Variants in SERINC5 observed in about 807,000 individuals in gnomAD.
SERINC5 encodes chromosome 5 open reading frame 12.
A neutral mutation model predicts 63.1 loss-of-function variants in SERINC5; 41 were observed. The ratio of observed to expected loss-of-function variants is 0.65; its 90% CI spans 0.51 to 0.84. SERINC5 has a LOEUF of 0.84. Ranked by LOEUF, SERINC5 falls within the 40% of genes least tolerant of loss-of-function variation. The pLI, the probability that SERINC5 is intolerant of heterozygous loss-of-function variation, is 0.00. For synonymous variants in SERINC5, 222 were observed against 215.2 expected, an observed-to-expected ratio of 1.03 and a Z score of -0.28; for missense variants, 523 against 573.0, an observed-to-expected ratio of 0.91 and a Z score of 0.89.
At chr5:80,221,167 G>A (rs977909939) in intron 1 of SERINC5, among the ~76,000 whole-genome samples, 1 of 152,174 alleles carries the variant, frequency 6.6e-6, no homozygotes, top group Non-Finnish European at 1.5e-5. Context: ...CAGATCTGCT[G>A]AAGCAGAACT....
At chr5:80,122,729 G>C (rs1744596795) in intron 11 of SERINC5, among the ~76,000 whole-genome samples, 1 of 152,214 alleles carries the variant, frequency 6.6e-6, no homozygotes. Flanking sequence ...GTATGAGGAA[G>C]ACTCAAGTGC....
intron 8 of SERINC5, among the ~76,000 whole-genome samples, chr5:80,156,645 T>C (rs6898006): frequency 0.074 from 11,260 of 152,216 alleles, 1,436 homozygotes; most frequent in African/African-American, 0.26. Context: ...TCAATAACAA[T>C]GTTTGTTGCT....
At chr5:80,118,574 G>T (rs1024236462) in intron 11 of SERINC5, among the ~76,000 whole-genome samples, 1 of 151,946 alleles carries the variant, frequency 6.6e-6, no homozygotes, top group African/African-American at 2.4e-5. Context: ...TTGAGACAGG[G>T]TCTCACTCTG....
At chr5:80,158,990 A>C (rs1214603225) in intron 7 of SERINC5, 28 bp from the exon 8 acceptor site, 1 of 1,612,098 alleles carries the variant, frequency 6.2e-7, no homozygotes, top group Admixed American at 1.7e-5. Flanking sequence ...AAGTCATCAC[A>C]GTCAAGTACA....
intron 4 of SERINC5, among the ~76,000 whole-genome samples, chr5:80,176,800 C>A (rs571368292): frequency 2.2e-3 from 340 of 152,222 alleles, no homozygotes; most frequent in African/African-American, 7.8e-3. Context: ...ATGCTCTGAA[C>A]CACTGAAATT....
At chr5:80,169,669 T>C in intron 5 of SERINC5, 123 bp from the exon 6 acceptor site, 1 of 685,754 alleles carries the variant, frequency 1.5e-6, no homozygotes, top group Admixed American at 2.5e-5. Context: ...CAGGCACTGG[T>C]ACCCAGCTGC....
rs141636191 is a variant in SERINC5, at chr5:80,202,067, G to T, written c.195+819C>A. 8.2e-3 allele frequency among the ~76,000 whole-genome samples: 1,252 copies of T among 152,140 alleles called. 9 individuals are homozygous for T. Among genetic ancestry groups the T allele is most frequent in the South Asian group, 0.014 (69 of 4,816 alleles). On this transcript the variant is annotated intron_variant, in intron 2 of 11. Transcript: ENST00000507668. ...AGCCTGGCCAACATGGTGAAACCCTGCCTCTACTAAAAATACAAAAATTAG... is the reference window on the plus strand; with the variant it reads ...AGCCTGGCCAACATGGTGAAACCCTTCCTCTACTAAAAATACAAAAATTAG...
intron 1 of SERINC5, among the ~76,000 whole-genome samples, chr5:80,244,990 C>T (rs190640163): frequency 1.3e-3 from 205 of 152,276 alleles, no homozygotes; most frequent in African/African-American, 4.8e-3. Context: ...CACTGATCTT[C>T]GATCTTCCTC....
chr5:80,198,085 G>A (rs1044407114), intron 2 of SERINC5, among the ~76,000 whole-genome samples: 5 of 151,994 alleles, frequency 3.3e-5, no homozygotes, highest in Admixed American at 6.6e-5. Flanking sequence ...TGATCCGCCC[G>A]CCTCAGCCTC....
chr5:80,204,730 A>G (rs750933937), intron 1 of SERINC5, among the ~76,000 whole-genome samples: 51 of 152,228 alleles, frequency 3.4e-4, no homozygotes, highest in Non-Finnish European at 3.4e-4. Context: ...TGGGAAGAAC[A>G]TGAAAAACAA....
chr5:80,232,052 C>T lies in SERINC5; in HGVS notation c.27+23844G>A, dbSNP rs533919611. On this transcript the variant is annotated intron_variant, in intron 1 of 11. Coordinates refer to ENST00000507668, the MANE Select transcript of SERINC5 (RefSeq NM_001174072.3). ...GAGGGTTCAGGGCTGTAGTGAGCCACGACTGTGCCACCACACTCCACCCTG... is the reference window on the plus strand; with the variant it reads ...GAGGGTTCAGGGCTGTAGTGAGCCATGACTGTGCCACCACACTCCACCCTG... Among the ~76,000 whole-genome samples the T allele has an allele frequency of 7.7e-5, 11 of 143,672 alleles. 1 individual carries two copies. The highest frequency in any genetic ancestry group is 5.1e-4 in the Admixed American group (7 of 13,634). 94.3% of individuals were successfully genotyped at this position (143,672 alleles called of 152,430 possible). A position where few individuals can be genotyped will look rare whatever the true frequency, so the allele number is the denominator to read the frequency against.
intron 2 of SERINC5, among the ~76,000 whole-genome samples, chr5:80,197,298 A>G (rs1749565674): frequency 6.6e-6 from 1 of 150,966 alleles, no homozygotes; most frequent in Non-Finnish European, 1.5e-5. Context: ...ACAGAGCAAG[A>G]CTCCATCTGT....
intron 1 of SERINC5, among the ~76,000 whole-genome samples, chr5:80,223,672 C>G (rs1751023832): frequency 6.6e-6 from 1 of 152,126 alleles, no homozygotes; most frequent in South Asian, 2.1e-4. Context: ...AAAATGCAAT[C>G]ATACAGACTA....
intron 11 of SERINC5, among the ~76,000 whole-genome samples, chr5:80,119,763 G>C (rs390292): frequency 0.2 from 30,140 of 152,116 alleles, 3,444 homozygotes; most frequent in Admixed American, 0.23. Context: ...ATAACCCAGA[G>C]AGCTTGTTTA....
intron 1 of SERINC5, among the ~76,000 whole-genome samples, chr5:80,251,420 T>C (rs991102579): frequency 1.3e-5 from 2 of 152,154 alleles, no homozygotes; most frequent in African/African-American, 2.4e-5. Flanking sequence ...CTGCCTTGCA[T>C]AAACTGGCTA....
chr5:80,154,853 TC>T (rs1746420450), intron 8 of SERINC5, among the ~76,000 whole-genome samples: 1 of 152,160 alleles, frequency 6.6e-6, no homozygotes, highest in Non-Finnish European at 1.5e-5. Context: ...AGTGGAATGG[TC>T]AGGAAACTTT....
intron 1 of SERINC5, among the ~76,000 whole-genome samples, chr5:80,240,376 A>G: frequency 6.6e-6 from 1 of 152,364 alleles, no homozygotes; most frequent in South Asian, 2.1e-4. Context: ...TTACCATAGT[A>G]GTTATGTATT....
intron 1 of SERINC5, among the ~76,000 whole-genome samples, chr5:80,235,124 C>T (rs1751626558): frequency 6.6e-6 from 1 of 152,186 alleles, no homozygotes; most frequent in South Asian, 2.1e-4. Flanking sequence ...CACCTTTCTA[C>T]TTTCTATGAT....
chr5:80,152,765 A>G (rs1422998893), intron 8 of SERINC5, among the ~76,000 whole-genome samples: 1 of 151,866 alleles, frequency 6.6e-6, no homozygotes, highest in Non-Finnish European at 1.5e-5. Flanking sequence ...ACATGGCAAA[A>G]CCCCATCTAT....
Sources: allele counts gnomAD v4.1 joint callset (sites outside exome capture counted in the v4.1 genomes callset), GRCh38; gene constraint gnomAD v4.1.1; transcripts MANE v1.5; gene names NCBI Gene and HGNC (gene_info 2026-07-23, HGNC 2026-07-21).